CDCA2: variants seen among roughly 807,000 people sequenced by gnomAD.
The protein encoded by CDCA2 is cell division cycle associated 2.
In CDCA2, 44 loss-of-function variants were observed where a neutral mutation model predicts 67.0. The observed-to-expected ratio is 0.66, with a 90% CI of 0.52 to 0.84. The LOEUF is 0.84. Ranked by LOEUF, CDCA2 falls within the 40% of genes least tolerant of loss-of-function variation. The pLI, the probability that CDCA2 is intolerant of heterozygous loss-of-function variation, is 0.00. For synonymous variants in CDCA2, 447 were observed against 418.7 expected (o/e 1.07, Z -0.82); for missense variants, 1,253 against 1,203.2 (o/e 1.04, Z -0.61).
chr8:25,491,199 C>T (rs942053257), intron 13 of CDCA2, among the ~76,000 whole-genome samples: 5 of 152,038 alleles, frequency 3.3e-5, no homozygotes, highest in Admixed American at 6.5e-5. Context: ...ATCTAGGAGA[C>T]ACCATAGGAC....
rs1294285465 is a variant in CDCA2 at position 25,462,001 on chromosome 8, G to T, written c.233-53G>T. On this transcript the variant is annotated intron_variant, in intron 3 of 14. Transcript: ENST00000330560. ...TGGTACATCACGAGTATTGGATGTGGTTACTGATGATTGCCTTGTTTTGTT... is the reference window on the plus strand; with the variant it reads ...TGGTACATCACGAGTATTGGATGTGTTTACTGATGATTGCCTTGTTTTGTT... The T allele has an allele frequency of 1.1e-5, 17 of 1,544,230 alleles. 1 individual carries two copies. The East Asian group carries it at 3.8e-4, about 35-fold the overall frequency.
chr8:25,475,835 C>T (rs773243098), intron 7 of CDCA2, among the ~76,000 whole-genome samples: 1 of 152,140 alleles, frequency 6.6e-6, no homozygotes, highest in South Asian at 2.1e-4. Context: ...CCCCATCCCA[C>T]GTTCTTTGTT....
intron 13 of CDCA2, among the ~76,000 whole-genome samples, chr8:25,496,953 G>A (rs1358714914): frequency 2.6e-5 from 4 of 152,256 alleles, no homozygotes; most frequent in African/African-American, 9.6e-5. Context: ...TCCTAAGAAC[G>A]TAGAAAGTTG....
At chr8:25,494,385 T>C (rs1335985702) in intron 13 of CDCA2, among the ~76,000 whole-genome samples, 1 of 152,220 alleles carries the variant, frequency 6.6e-6, no homozygotes, top group Admixed American at 6.5e-5. Flanking sequence ...AAATACAGCA[T>C]ATTAACTATG....
At chr8:25,489,136 C>T (rs1044705453) in intron 13 of CDCA2, among the ~76,000 whole-genome samples, 2 of 152,066 alleles carry the variant, frequency 1.3e-5, no homozygotes, top group Admixed American at 6.6e-5. Flanking sequence ...CACTTCTGGT[C>T]GTCTCAGATA....
intron 13 of CDCA2, among the ~76,000 whole-genome samples, chr8:25,491,576 A>G (rs776263255): frequency 2.6e-4 from 40 of 152,304 alleles, no homozygotes; most frequent in Middle Eastern, 3.4e-3. Context: ...AGTCTCAATT[A>G]AGTGTGAAGG....
At chr8:25,462,788 C>T (rs1330413482) in intron 4 of CDCA2, among the ~76,000 whole-genome samples, 2 of 152,164 alleles carry the variant, frequency 1.3e-5, no homozygotes, top group Non-Finnish European at 1.5e-5. Context: ...GGAATCCTCC[C>T]ACCTTAGCTT....
chr8:25,463,507 A>G (rs1185078442), intron 4 of CDCA2, among the ~76,000 whole-genome samples: 1 of 152,130 alleles, frequency 6.6e-6, no homozygotes, highest in Non-Finnish European at 1.5e-5. Flanking sequence ...TACCTACAAT[A>G]CATAATACTT....
rs1802637748 is a variant in CDCA2, at chr8:25,460,437, G to A, written c.115G>A (p.Ala39Thr). The A allele has an allele frequency of 6.2e-7, 1 of 1,614,146 alleles. No homozygotes were observed. Among genetic ancestry groups the A allele is most frequent in the Non-Finnish European group, 8.5e-7 (1 of 1,180,022 alleles). Residue 39 changes from alanine to threonine, a missense_variant, in exon 3 of 15, where the codon GCC becomes ACC. Physicochemically the swap from Ala to Thr is moderately conservative, Grantham distance 58. Coordinates refer to ENST00000330560, the MANE Select transcript of CDCA2 (RefSeq NM_152562.4). ...TGKIVTPQKH[A>T]ELPPNPCTPD... ...GAAGATTGTGACTCCTCAGAAGCAT[G>A]CCGAATTACCTCCTAATCCTTGCAC...
At chr8:25,467,456 A>G (rs933868655) in intron 5 of CDCA2, among the ~76,000 whole-genome samples, 2 of 152,142 alleles carry the variant, frequency 1.3e-5, no homozygotes, top group African/African-American at 4.8e-5. Context: ...GGGTTTTAAA[A>G]TTTATTTACA....
intron 5 of CDCA2, among the ~76,000 whole-genome samples, chr8:25,467,041 CAAAAAAAAAAAA>C (rs59618544): frequency 0.012 from 599 of 49,192 alleles, 8 homozygotes; most frequent in Admixed American, 0.03. Flanking sequence ...GAGTCCCTTT[CAAAAAAAAAAAA>C]AAAAAAAAAA....
chr8:25,506,840 A>G lies in CDCA2; in HGVS notation c.2174A>G (p.Asp725Gly). Reference protein sequence around the residue: ...ASVTEERVASDSPKPALTLQQ... With the variant: ...ASVTEERVASGSPKPALTLQQ... ...GTAACTGAAGAACGTGTGGCATCAG[A>G]TAGTCCCAAACCTGCTCTGACCCTG... The change falls in exon 15 of 15, where the codon GAT becomes GGT. Residue 725 changes from aspartate (D) to glycine (G), a missense_variant. Physicochemically the swap from Asp to Gly is moderately conservative, Grantham distance 94. Coordinates refer to ENST00000330560, the MANE Select transcript of CDCA2 (RefSeq NM_152562.4). The G allele has an allele frequency of 6.2e-7, 1 of 1,614,084 alleles. No homozygotes were observed. Among genetic ancestry groups the G allele is most frequent in the Non-Finnish European group, 8.5e-7 (1 of 1,180,024 alleles).
At chr8:25,505,134 T>C (rs1319522876) in intron 14 of CDCA2, among the ~76,000 whole-genome samples, 1 of 152,206 alleles carries the variant, frequency 6.6e-6, no homozygotes, top group African/African-American at 2.4e-5. Context: ...TCCTTTCCTC[T>C]CTCCCTATAT....
At position 25,506,712 on chromosome 8, in the gene CDCA2, A is replaced by G; in HGVS notation, c.2046A>G (p.Ile682Met). 1 of 1,610,574 alleles carries G rather than the reference A, an allele frequency of 6.2e-7. No homozygotes were observed. The highest frequency in any genetic ancestry group is 8.5e-7 in the Non-Finnish European group (1 of 1,178,852). ...ATSDEDPNTN[I>M]MNINENKNIP... ...CTGATGAAGATCCAAATACAAATAT[A>G]ATGAACATTAATGAAAATAAAAATA... The change falls in exon 15 of 15, where the codon ATA becomes ATG. Residue 682 changes from isoleucine (I) to methionine (M), a missense_variant. Transcript: ENST00000330560.
chr8:25,493,030 G>A (rs1170718073), intron 13 of CDCA2, among the ~76,000 whole-genome samples: 3 of 152,110 alleles, frequency 2.0e-5, no homozygotes, highest in African/African-American at 4.8e-5. Context: ...GATGTTAGAA[G>A]CTTCTGAATC....
In CDCA2 at chr8:25,503,954, A is replaced by T. The variant is rs190738365; in HGVS notation, c.1843+410A>T. Among the ~76,000 whole-genome samples, 62 of 152,252 alleles carry T rather than the reference A, an allele frequency of 4.1e-4. 1 individual carries two copies. Among genetic ancestry groups the T allele is most frequent in the Middle Eastern group, 3.4e-3 (1 of 294 alleles). ...GTGATCCCAACCATTTGGGAGCCTA[A>T]GGCGGAAGGATTGCTTGAGTTCAGG... On this transcript the variant is annotated intron_variant, in intron 14 of 14. Coordinates refer to ENST00000330560, the MANE Select transcript of CDCA2 (RefSeq NM_152562.4).
chr8:25,483,189 C>G (rs1293037744), intron 8 of CDCA2, among the ~76,000 whole-genome samples: 2 of 152,106 alleles, frequency 1.3e-5, no homozygotes, highest in Non-Finnish European at 2.9e-5. Flanking sequence ...CCCTAAAATT[C>G]TGTTTTCTAA....
At chr8:25,460,656 C>T (rs1263719748) in intron 3 of CDCA2, 102 bp downstream of exon 3, 4 of 1,197,552 alleles carry the variant, frequency 3.3e-6, no homozygotes, top group African/African-American at 3.1e-5. Context: ...ATTTTAGGTA[C>T]CTAAATTGCC....
intron 7 of CDCA2, among the ~76,000 whole-genome samples, chr8:25,475,640 C>T (rs1341355793): frequency 1.3e-5 from 2 of 152,162 alleles, no homozygotes; most frequent in Admixed American, 6.5e-5. Flanking sequence ...AGTTGCTTCT[C>T]GACCTGGCGA....
Sources: allele counts gnomAD v4.1 joint callset (sites outside exome capture counted in the v4.1 genomes callset), GRCh38; gene constraint gnomAD v4.1.1; transcripts MANE v1.5; gene names NCBI Gene and HGNC (gene_info 2026-07-23, HGNC 2026-07-21).